Variants in SNCAIP observed in about 807,000 individuals in gnomAD.
The protein encoded by SNCAIP is synuclein alpha interacting protein, also known as synphilin-1.
A neutral mutation model predicts 86.7 loss-of-function variants in SNCAIP; 43 were observed. That is an observed-to-expected ratio of 0.50 (90% CI 0.39 to 0.64). The LOEUF is 0.64. Ranked by LOEUF, SNCAIP falls within the 30% of genes least tolerant of loss-of-function variation. The pLI, the probability that SNCAIP is intolerant of heterozygous loss-of-function variation, is 0.00. For missense variants in SNCAIP, 981 were observed against 1,103.1 expected (o/e 0.89, Z 1.57); for synonymous variants, 417 against 427.2 (o/e 0.98, Z 0.29).
chr5:122,408,325 G>T (rs750805055), intron 3 of SNCAIP, among the ~76,000 whole-genome samples: 7 of 152,182 alleles, frequency 4.6e-5, no homozygotes, highest in Non-Finnish European at 7.3e-5. Context: ...AGGAGCTAGA[G>T]TGTAAAACAA....
chr5:122,446,687 A>G (rs188296792), intron 8 of SNCAIP, among the ~76,000 whole-genome samples: 6 of 152,302 alleles, frequency 3.9e-5, no homozygotes. Context: ...AAAACTAGAA[A>G]TGAATGGAGA....
intron 8 of SNCAIP, among the ~76,000 whole-genome samples, chr5:122,445,152 C>T (rs1014815673): frequency 1.3e-5 from 2 of 152,078 alleles, no homozygotes; most frequent in Non-Finnish European, 2.9e-5. Context: ...TCCCAGTTTT[C>T]TCAAAAAGAA....
At chr5:122,401,390 C>T (rs1771779595) in intron 2 of SNCAIP, among the ~76,000 whole-genome samples, 1 of 152,164 alleles carries the variant, frequency 6.6e-6, no homozygotes, top group African/African-American at 2.4e-5. Context: ...GCCTTTTCTT[C>T]CATCCAAGGA....
intron 1 of SNCAIP, among the ~76,000 whole-genome samples, chr5:122,314,349 G>A (rs1219118737): frequency 6.6e-6 from 1 of 152,178 alleles, no homozygotes; most frequent in Non-Finnish European, 1.5e-5. Context: ...ATCTCCCAAG[G>A]AGCAGGTGCA....
At chr5:122,435,330 ATTCAAAGC>A (rs1239459654) in intron 6 of SNCAIP, among the ~76,000 whole-genome samples, 1 of 152,214 alleles carries the variant, frequency 6.6e-6, no homozygotes, top group Non-Finnish European at 1.5e-5. Flanking sequence ...AATTATCTCA[ATTCAAAGC>A]TACTGCCTGT....
intron 3 of SNCAIP, among the ~76,000 whole-genome samples, chr5:122,417,398 G>C (rs1171318024): frequency 6.6e-6 from 1 of 152,132 alleles, no homozygotes; most frequent in Non-Finnish European, 1.5e-5. Context: ...GGTGGATCGG[G>C]TTTTAGCAAT....
chr5:122,363,532 C>T (rs1236700228), intron 1 of SNCAIP, among the ~76,000 whole-genome samples: 1 of 151,734 alleles, frequency 6.6e-6, no homozygotes, highest in East Asian at 1.9e-4. Flanking sequence ...AAAGTGAGGC[C>T]CAGGAGAAGG....
At chr5:122,414,284 G>T (rs1372941891) in intron 3 of SNCAIP, among the ~76,000 whole-genome samples, 6 of 150,040 alleles carry the variant, frequency 4.0e-5, no homozygotes, top group Non-Finnish European at 7.4e-5. Flanking sequence ...AGGCTGGAGT[G>T]CAATGGCACA....
intron 3 of SNCAIP, among the ~76,000 whole-genome samples, chr5:122,411,206 T>C (rs1774047818): frequency 6.6e-6 from 1 of 152,168 alleles, no homozygotes; most frequent in Non-Finnish European, 1.5e-5. Context: ...GAGAGGGACA[T>C]CCTTTAGGCA....
rs139427478 is a variant in SNCAIP, at chr5:122,422,796, A to G, written c.131-72A>G. 228 of 1,278,592 alleles carry G rather than the reference A, an allele frequency of 1.8e-4. 1 individual carries two copies. In the East Asian group the frequency reaches 5.1e-3, roughly 29 times the overall value. 79.2% of individuals were successfully genotyped at this position (1,278,592 alleles called of 1,614,324 possible). ...TTTGAACATAATGTGAATGAACCACATCTACCTGCATAGCCAAGATGTGTT... is the reference window on the plus strand; with the variant it reads ...TTTGAACATAATGTGAATGAACCACGTCTACCTGCATAGCCAAGATGTGTT... On this transcript the variant is annotated intron_variant, in intron 3 of 10. Transcript: ENST00000261368.
In SNCAIP at chr5:122,444,069, A is replaced by G. The variant is rs1466019920; in HGVS notation, c.1423-494A>G. The G allele has an allele frequency of 1.8e-5, 8 of 456,812 alleles. No homozygotes were observed. The East Asian group carries it at 4.9e-4, about 28-fold the overall frequency. The allele number at this position is 456,812 out of a possible 1,614,324, so 28.3% of individuals were successfully genotyped here. A position where few individuals can be genotyped will look rare whatever the true frequency, so the allele number is the denominator to read the frequency against. On this transcript the variant is annotated intron_variant, in intron 7 of 10. Transcript: ENST00000261368. ...CTTCACAGCCTCCCCACTCTCAGCC[A>G]TGTCATTTCTTTCCAGTTCTTTTTA...
rs748111078 is a variant in SNCAIP at position 122,432,093 on chromosome 5, GT to G, written c.1296+17del. 5 of 1,126,850 alleles carry G rather than the reference GT, an allele frequency of 4.4e-6. No homozygotes were observed. In the African/African-American group the frequency reaches 4.6e-5, roughly 10 times the overall value. The allele number at this position is 1,126,850 out of a possible 1,614,324, so 69.8% of individuals were successfully genotyped here. Reference sequence around the variant, plus strand: ...GGTTGCTATGGCCAGGTATGAAGGAGTTTTTTAAGTATCTTCCCTTTGTGTA... The same window carrying G: ...GGTTGCTATGGCCAGGTATGAAGGAGTTTTTAAGTATCTTCCCTTTGTGTA... On this transcript the variant is annotated intron_variant, in intron 6 of 10. Coordinates refer to ENST00000261368, the MANE Select transcript of SNCAIP (RefSeq NM_005460.4).
rs184034628 is a variant in SNCAIP, at chr5:122,414,263, C to T, written c.131-8605C>T. ...TTTTTTTTTTTTTGAGACAGTCTTGCTCTGTTGCCCAGGCTGGAGTGCAAT... is the reference window on the plus strand; with the variant it reads ...TTTTTTTTTTTTTGAGACAGTCTTGTTCTGTTGCCCAGGCTGGAGTGCAAT... On this transcript the variant is annotated intron_variant, in intron 3 of 10. Coordinates refer to ENST00000261368, the MANE Select transcript of SNCAIP (RefSeq NM_005460.4). 1.5e-4 allele frequency among the ~76,000 whole-genome samples: 22 copies of T among 149,834 alleles called. No individual in the cohort carries two copies. In the East Asian group the frequency reaches 4.3e-3, roughly 29 times the overall value.
At chr5:122,365,644 A>C (rs1376636430) in intron 1 of SNCAIP, among the ~76,000 whole-genome samples, 2 of 152,314 alleles carry the variant, frequency 1.3e-5, no homozygotes, top group African/African-American at 2.4e-5. Flanking sequence ...GCGCCACTGC[A>C]CTCTAGTCTG....
At chr5:122,311,431 TC>T (rs1228998874), upstream of SNCAIP, 1 of 151,304 alleles carries the variant, frequency 6.6e-6, no homozygotes, top group Non-Finnish European at 1.5e-5. Context: ...TGGGCGAGCT[TC>T]GGGGGGAGGG....
intron 6 of SNCAIP, among the ~76,000 whole-genome samples, chr5:122,434,714 A>T (rs1779044771): frequency 6.6e-6 from 1 of 152,204 alleles, no homozygotes; most frequent in Non-Finnish European, 1.5e-5. Flanking sequence ...AATGCTGTCC[A>T]GCCATCCTAC....
At chr5:122,451,822 T>TAAA in intron 10 of SNCAIP, 1 of 462,100 alleles carries the variant, frequency 2.2e-6, no homozygotes, top group East Asian at 3.7e-5. Context: ...AGAGAAAGGT[T>TAAA]AAAAAAAAAA....
intron 2 of SNCAIP, among the ~76,000 whole-genome samples, chr5:122,395,097 T>C (rs1770314091): frequency 6.6e-6 from 1 of 152,110 alleles, no homozygotes; most frequent in South Asian, 2.1e-4. Flanking sequence ...TTACAAATTG[T>C]TTTTTGGAAG....
At chr5:122,383,490 T>G (rs973792775) in intron 1 of SNCAIP, 2 of 153,848 alleles carry the variant, frequency 1.3e-5, no homozygotes, top group Non-Finnish European at 2.9e-5. Flanking sequence ...AATGCAGAAA[T>G]CACCCGTCTT....
Sources: allele counts gnomAD v4.1 joint callset (sites outside exome capture counted in the v4.1 genomes callset), GRCh38; gene constraint gnomAD v4.1.1; transcripts MANE v1.5; gene names NCBI Gene and HGNC (gene_info 2026-07-23, HGNC 2026-07-21).